The following DCBLD1 variants were observed in gnomAD, a reference collection of about 807,000 sequenced individuals.
DCBLD1 encodes the protein discoidin, CUB and LCCL domain-containing protein 1.
A neutral mutation model predicts 71.5 loss-of-function variants in DCBLD1; 57 were observed. That is an observed-to-expected ratio of 0.80 (90% confidence interval 0.64 to 0.99). DCBLD1 has a LOEUF of 0.99. DCBLD1 is among the 50% of genes least tolerant of loss of function. The probability of loss-of-function intolerance (pLI) is 0.00; values close to 1 mark genes in which losing one functional copy is unlikely to be tolerated. For synonymous variants in DCBLD1, 380 were observed against 363.8 expected, an observed-to-expected ratio of 1.04 and a Z score of -0.51; for missense variants, 891 against 923.5, an observed-to-expected ratio of 0.96 and a Z score of 0.46.
intron 11 of DCBLD1, among the ~76,000 whole-genome samples, chr6:117,542,022 T>C: frequency 6.6e-6 from 1 of 152,148 alleles, no homozygotes; most frequent in Non-Finnish European, 1.5e-5. Flanking sequence ...ACCGGGCACA[T>C]TGGCTCATGC....
At position 117,503,947 on chromosome 6, in the gene DCBLD1, A is replaced by G. The variant is rs746930395; in HGVS notation, c.293A>G (p.Tyr98Cys). 8.7e-6 allele frequency: 14 copies of G among 1,614,066 alleles called. No individual in the cohort carries two copies. Among genetic ancestry groups the G allele is most frequent in the Non-Finnish European group, 6.8e-6 (8 of 1,180,016 alleles). Residue 98 changes from tyrosine (Y) to cysteine (C), a missense_variant, in exon 2 of 15, where the codon TAT (tyrosine) becomes TGT (cysteine). Coordinates refer to ENST00000338728, the MANE Select transcript of DCBLD1 (RefSeq NM_001366458.2). ...DIESQTCASD[Y>C]LLFTSSSDQY... ...GAATCCCAGACCTGTGCTTCTGACTATCTTCTCTTCACCAGCTCTTCAGAT... is the reference window on the plus strand; with the variant it reads ...GAATCCCAGACCTGTGCTTCTGACTGTCTTCTCTTCACCAGCTCTTCAGAT...
chr6:117,512,696 C>G (rs2114461395), intron 2 of DCBLD1, among the ~76,000 whole-genome samples: 1 of 152,154 alleles, frequency 6.6e-6, no homozygotes, highest in Non-Finnish European at 1.5e-5. Flanking sequence ...TCACTTAGGT[C>G]AATCAGGCAT....
In DCBLD1 at chr6:117,543,145, C is replaced by T; in HGVS notation, c.1379C>T (p.Ala460Val). The T allele has an allele frequency of 6.2e-7, 1 of 1,614,122 alleles. No individual in the cohort carries two copies. Among genetic ancestry groups the T allele is most frequent in the Non-Finnish European group, 8.5e-7 (1 of 1,179,972 alleles). The change falls in exon 12 of 15, where the codon GCT (alanine) becomes GTT (valine). Residue 460 changes from alanine to valine, a missense_variant. By Grantham distance (64) the Ala-to-Val change is moderately conservative. Coordinates refer to ENST00000338728, the MANE Select transcript of DCBLD1 (RefSeq NM_001366458.2). ...TSTGINITTV[A>V]IPLVLLVVLV... ...TTAGGAATAAACATTACAACGGTGGCTATTCCATTGGTGCTCCTTGTTGTC... is the reference window on the plus strand; with the variant it reads ...TTAGGAATAAACATTACAACGGTGGTTATTCCATTGGTGCTCCTTGTTGTC...
At chr6:117,506,170 A>G (rs1777836530) in intron 2 of DCBLD1, among the ~76,000 whole-genome samples, 2 of 152,134 alleles carry the variant, frequency 1.3e-5, no homozygotes, top group South Asian at 4.2e-4. Flanking sequence ...CCCCTAATCC[A>G]CCTTCCAAGG....
At chr6:117,487,347 G>A (rs1185415994) in intron 1 of DCBLD1, among the ~76,000 whole-genome samples, 1 of 152,132 alleles carries the variant, frequency 6.6e-6, no homozygotes, top group African/African-American at 2.4e-5. Context: ...AATCAAAACT[G>A]GCCAGAGGTG....
intron 7 of DCBLD1, 37 bp downstream of exon 7, chr6:117,537,262 C>T (rs185323922): frequency 6.2e-5 from 100 of 1,603,158 alleles, no homozygotes; most frequent in East Asian, 6.7e-5. Flanking sequence ...TTGATATTTT[C>T]GGTGGCTCAC....
chr6:117,558,866 T>TACAA (rs1779531545), intron 14 of DCBLD1, among the ~76,000 whole-genome samples: 1 of 152,176 alleles, frequency 6.6e-6, no homozygotes, highest in African/African-American at 2.4e-5. Context: ...CTACTGTTTG[T>TACAA]ACAAACACTT....
intron 14 of DCBLD1, among the ~76,000 whole-genome samples, chr6:117,547,034 A>G (rs368298182): frequency 1.3e-5 from 2 of 152,108 alleles, no homozygotes; most frequent in Admixed American, 6.5e-5. Context: ...TCCTGTCCCA[A>G]AGGGTCACTT....
intron 5 of DCBLD1, among the ~76,000 whole-genome samples, chr6:117,528,130 G>T (rs1361775968): frequency 6.6e-6 from 1 of 152,102 alleles, no homozygotes; most frequent in East Asian, 1.9e-4. Flanking sequence ...GGAGAAACTG[G>T]GCCTCTTGTA....
intron 1 of DCBLD1, among the ~76,000 whole-genome samples, chr6:117,487,812 T>C (rs1402863239): frequency 6.6e-6 from 1 of 151,810 alleles, no homozygotes; most frequent in Admixed American, 6.6e-5. Flanking sequence ...TTTTTTTTTT[T>C]CATTAGACTG....
intron 14 of DCBLD1, chr6:117,566,776 A>G (rs1266765237): frequency 2.3e-6 from 2 of 886,714 alleles, no homozygotes; most frequent in East Asian, 2.8e-5. Flanking sequence ...GTTTTACTGA[A>G]GAAATTCTGA....
At chr6:117,569,236 A>T (rs745610171) in intron 14 of DCBLD1, among the ~76,000 whole-genome samples, 4 of 152,122 alleles carry the variant, frequency 2.6e-5, no homozygotes, top group Non-Finnish European at 5.9e-5. Context: ...GGCATTAAGG[A>T]TGTTGTTTTT....
In DCBLD1 at chr6:117,482,715, C is replaced by T. The variant is rs1354072420; in HGVS notation, c.-67C>T. 1.8e-6 allele frequency: 2 copies of T among 1,104,554 alleles called. No homozygotes were observed. Among genetic ancestry groups the T allele is most frequent in the Middle Eastern group, 3.9e-4 (1 of 2,544 alleles). 68.4% of individuals were successfully genotyped at this position (1,104,554 alleles called of 1,614,324 possible). ...CGTCCGCAGAGGAGGCGGCCCGGCC[C>T]GGGCAGCTGCGGCTCGGGATCCGTC... On this transcript the variant is annotated 5_prime_UTR_variant, in exon 1 of 15. Transcript: ENST00000338728.
At position 117,548,224 on chromosome 6, in the gene DCBLD1, G is replaced by A. The variant is rs1328037886; in HGVS notation, c.1933G>A (p.Val645Met). The A allele has an allele frequency of 6.4e-7, 1 of 1,550,448 alleles. No individual in the cohort carries two copies. The highest frequency in any genetic ancestry group is 1.4e-5 in the African/African-American group (1 of 73,064). ...SSGGFSPVAG[V>M]GAQDGDYQRP... is the part of the protein sequence containing the mutation. ...GGGCGGCTTCTCCCCCGTAGCGGGT[G>A]TGGGCGCCCAGGACGGAGACTATCA... Residue 645 changes from valine (V) to methionine (M), a missense_variant, in exon 15 of 15, where the codon GTG (valine) becomes ATG (methionine). By Grantham distance (21) the Val-to-Met change is conservative. Transcript: ENST00000338728.
chr6:117,520,067 G>T, intron 3 of DCBLD1, 117 bp downstream of exon 3: 1 of 1,467,820 alleles, frequency 6.8e-7, no homozygotes. Flanking sequence ...AAGATATGAG[G>T]GAGAAGAGGA....
intron 11 of DCBLD1, among the ~76,000 whole-genome samples, chr6:117,542,074 C>G (rs1331063300): frequency 2.0e-5 from 3 of 152,054 alleles, no homozygotes; most frequent in African/African-American, 7.2e-5. Flanking sequence ...GGGCGGATTG[C>G]CTGAGCTCAG....
At chr6:117,502,673 AC>A (rs1582977946) in intron 1 of DCBLD1, among the ~76,000 whole-genome samples, 1 of 151,924 alleles carries the variant, frequency 6.6e-6, no homozygotes, top group African/African-American at 2.4e-5. Context: ...TTCTTTTACT[AC>A]CTTTGAGAGT....
At chr6:117,523,761 C>T (rs1778458840) in intron 4 of DCBLD1, among the ~76,000 whole-genome samples, 1 of 152,078 alleles carries the variant, frequency 6.6e-6, no homozygotes, top group Non-Finnish European at 1.5e-5. Flanking sequence ...TATAATTTGC[C>T]AAGGCAGCAG....
chr6:117,545,552 A>T lies in DCBLD1; in HGVS notation c.1570A>T (p.Lys524Ter). 6.2e-7 allele frequency: 1 copy of T among 1,614,198 alleles called. No individual in the cohort carries two copies. The highest frequency in any genetic ancestry group is 8.5e-7 in the Non-Finnish European group (1 of 1,180,034). The part of the protein sequence containing the change: ...AEFTISYDNE[K>*]EMTQKLDLIT... ...GTTTACCATCAGCTATGATAATGAGAAGGAGATGACACAAAAGTTAGATCT... is the reference window on the plus strand; with the variant it reads ...GTTTACCATCAGCTATGATAATGAGTAGGAGATGACACAAAAGTTAGATCT... Residue 524 changes from lysine (K) to a stop codon, truncating the protein, a stop_gained, in exon 14 of 15, where the codon AAG (lysine) becomes TAG (stop). Coordinates refer to ENST00000338728, the MANE Select transcript of DCBLD1 (RefSeq NM_001366458.2). LOFTEE classifies it low-confidence loss of function (END_TRUNC).
Sources: allele counts gnomAD v4.1 joint callset (sites outside exome capture counted in the v4.1 genomes callset), GRCh38; gene constraint gnomAD v4.1.1; transcripts MANE v1.5; gene names NCBI Gene and HGNC (gene_info 2026-07-23, HGNC 2026-07-21).